The following DENND4C variants were observed in gnomAD, a reference collection of about 807,000 sequenced individuals.
DENND4C encodes the protein DENN domain containing 4C, also known as DENN domain-containing protein 4C.
DENND4C carries 108 observed loss-of-function variants against 203.0 expected under a neutral mutation model. That is an observed-to-expected ratio of 0.53 (90% CI 0.46 to 0.62). The LOEUF is 0.62. Among genes scored for constraint, DENND4C ranks in the 20% least tolerant of loss-of-function variants. The probability of loss-of-function intolerance (pLI) is 0.00; values close to 1 mark genes in which losing one functional copy is unlikely to be tolerated. For missense variants in DENND4C, 2,481 were observed against 2,301.2 expected (o/e 1.08, Z -1.60); for synonymous variants, 871 against 792.4 (o/e 1.10, Z -1.67).
At position 19,347,019 on chromosome 9, in the gene DENND4C, A is replaced by T. The variant is rs1008657064; in HGVS notation, c.4250A>T (p.Gln1417Leu). The T allele has an allele frequency of 6.2e-7, 1 of 1,614,022 alleles. No individual in the cohort carries two copies. Among genetic ancestry groups the T allele is most frequent in the African/African-American group, 1.3e-5 (1 of 74,922 alleles). ...KIDVLKSGMK[Q>L]AATVASKMWV... ...GATGTCCTGAAATCTGGTATGAAACAAGCAGCGACAGTAGCCAGTAAGATG... is the reference window on the plus strand; with the variant it reads ...GATGTCCTGAAATCTGGTATGAAACTAGCAGCGACAGTAGCCAGTAAGATG... The change falls in exon 23 of 33, where the codon CAA becomes CTA. Residue 1417 changes from glutamine to leucine, a missense_variant. This residue lies in a region of DENND4C where 2,289 missense variants were observed against 2,113.3 expected (regional missense o/e 1.08). Transcript: ENST00000434457.
intron 28 of DENND4C, 102 bp from the exon 29 acceptor site, chr9:19,360,142 A>T: frequency 8.1e-7 from 1 of 1,230,068 alleles, no homozygotes. Context: ...TCCTAAAATA[A>T]CTGATTTAAA....
In DENND4C at chr9:19,357,981, G is replaced by A. The variant is rs138927614; in HGVS notation, c.4981G>A (p.Ala1661Thr). ...AVEPSDEIKR[A>T]SGDVQTMKIS... ...ATTTTTAAGTGATGAAATAAAGAGA[G>A]CCAGTGGAGATGTCCAAACTATGAA... is the stretch of plus-strand genomic sequence containing the variant. The change falls in exon 28 of 33, where the codon GCC (alanine) becomes ACC (threonine). Residue 1661 changes from alanine (A) to threonine (T), a missense_variant. Around this residue, in one of 3 missense-constraint regions of DENND4C, gnomAD observed 2,289 missense variants for 2,113.3 expected, o/e 1.08. Transcript: ENST00000434457. 9.3e-6 allele frequency: 15 copies of A among 1,610,094 alleles called. No homozygotes were observed. The highest frequency in any genetic ancestry group is 1.3e-5 in the Non-Finnish European group (15 of 1,177,550).
At chr9:19,236,905 T>G (rs980810044) in intron 1 of DENND4C, among the ~76,000 whole-genome samples, 5 of 152,238 alleles carry the variant, frequency 3.3e-5, no homozygotes, top group Non-Finnish European at 7.3e-5. Flanking sequence ...CATTGTCTAG[T>G]TAGGGAGATG....
At chr9:19,369,247 T>C (rs985448153) in intron 30 of DENND4C, among the ~76,000 whole-genome samples, 9 of 152,206 alleles carry the variant, frequency 5.9e-5, no homozygotes, top group Non-Finnish European at 1.0e-4. Flanking sequence ...GTTCCTTCTG[T>C]TGTACCTGCT....
intron 31 of DENND4C, 102 bp downstream of exon 31, chr9:19,370,089 A>C (rs568425353): frequency 1.3e-5 from 17 of 1,342,056 alleles, no homozygotes; most frequent in Middle Eastern, 1.8e-4. Flanking sequence ...AGAAACACAT[A>C]CTCATTGCAA....
rs1323530461 is a variant in DENND4C, at chr9:19,352,122, A to C, written c.4545A>C (p.Ser1515=). The C allele has an allele frequency of 4.3e-6, 7 of 1,613,952 alleles. No homozygotes were observed. Among genetic ancestry groups the C allele is most frequent in the Non-Finnish European group, 5.9e-6 (7 of 1,179,920 alleles). The change falls in exon 25 of 33, where the codon TCA becomes TCC. Residue 1515 remains serine (S), a synonymous_variant. Transcript: ENST00000434457. The stretch of plus-strand genomic sequence containing the variant: ...TGAAAGGGCAAGACTTTGAAAAATC[A>C]GATCATGGTTCTTCTCAAAATACCA... ...RGMKGQDFEK[S]DHGSSQNTSM...
rs758884659 is a variant in DENND4C, at chr9:19,346,025, CAAA to C, written c.3258_3260del (p.Lys1087del). 11 of 1,614,070 alleles carry C rather than the reference CAAA, an allele frequency of 6.8e-6. No individual in the cohort carries two copies. In the South Asian group the frequency reaches 9.9e-5, roughly 15 times the overall value. ...GAATGGTGATAGAGGAGAAAAAAGA[CAAA>C]AGCATTTTCCTGAGAGGAGTTGTAG... On this transcript the variant is annotated inframe_deletion, in exon 23 of 33. Coordinates refer to ENST00000434457, the MANE Select transcript of DENND4C (RefSeq NM_001330640.2).
chr9:19,249,685 A>ATG (rs1426482526), intron 1 of DENND4C, among the ~76,000 whole-genome samples: 1 of 152,154 alleles, frequency 6.6e-6, no homozygotes, highest in South Asian at 2.1e-4. Flanking sequence ...AATTCATTTT[A>ATG]TGTGTGTGTG....
At position 19,316,757 on chromosome 9, in the gene DENND4C, A is replaced by T; in HGVS notation, c.1725A>T (p.Lys575Asn). The T allele has an allele frequency of 6.2e-7, 1 of 1,614,126 alleles. No homozygotes were observed. The highest frequency in any genetic ancestry group is 8.5e-7 in the Non-Finnish European group (1 of 1,180,002). The change falls in exon 12 of 33, where the codon AAA becomes AAT. Residue 575 changes from lysine (K) to asparagine (N), a missense_variant. Physicochemically the swap from Lys to Asn is moderately conservative, Grantham distance 94. Coordinates refer to ENST00000434457, the MANE Select transcript of DENND4C (RefSeq NM_001330640.2). ...AFLRFMASIL[K>N]GYRTYLRPIT... The stretch of plus-strand genomic sequence containing the variant: ...TGCGCTTTATGGCGTCTATTTTAAA[A>T]GGATATAGAACATATCTCAGACCAA...
chr9:19,347,408 G>T (rs1299501800), intron 23 of DENND4C, among the ~76,000 whole-genome samples: 1 of 152,204 alleles, frequency 6.6e-6, no homozygotes, highest in Non-Finnish European at 1.5e-5. Context: ...TGGGATTACA[G>T]GCATGAGCCA....
chr9:19,252,232 C>A (rs1474048370), intron 1 of DENND4C, among the ~76,000 whole-genome samples: 1 of 152,084 alleles, frequency 6.6e-6, no homozygotes, highest in African/African-American at 2.4e-5. Context: ...CAGGGAAACT[C>A]CCTTTTCTTT....
intron 1 of DENND4C, among the ~76,000 whole-genome samples, chr9:19,263,416 G>C (rs1829820287): frequency 6.6e-6 from 1 of 152,086 alleles, no homozygotes; most frequent in Admixed American, 6.6e-5. Flanking sequence ...GAGTGCAATG[G>C]CATGATCTCG....
chr9:19,237,220 C>G (rs1032752689), intron 1 of DENND4C, among the ~76,000 whole-genome samples: 2 of 151,634 alleles, frequency 1.3e-5, no homozygotes, highest in Non-Finnish European at 2.9e-5. Context: ...TGGGGTTTCA[C>G]CATGGCCAGG....
intron 1 of DENND4C, among the ~76,000 whole-genome samples, chr9:19,249,094 CA>C (rs983472522): frequency 3.3e-5 from 5 of 150,878 alleles, no homozygotes; most frequent in African/African-American, 1.2e-4. Context: ...CCCGGCCACA[CA>C]GCATCTATGT....
rs182309554 is a variant in DENND4C, at chr9:19,322,926, G to C, written c.1808-1436G>C. On this transcript the variant is annotated intron_variant, in intron 12 of 32. Coordinates refer to ENST00000434457, the MANE Select transcript of DENND4C (RefSeq NM_001330640.2). ...GAGATTTGAGAGGCAATGTTGTTTTGAATGCTGGCAAGGAAAGTCAAGGGA... is the reference window on the plus strand; with the variant it reads ...GAGATTTGAGAGGCAATGTTGTTTTCAATGCTGGCAAGGAAAGTCAAGGGA... Among the ~76,000 whole-genome samples, 8 of 152,214 alleles carry C rather than the reference G, an allele frequency of 5.3e-5. No homozygotes were observed. The East Asian group carries it at 1.5e-3, about 29-fold the overall frequency.
chr9:19,332,055 T>C lies in DENND4C; in HGVS notation c.2331T>C (p.His777=), dbSNP rs1290778440. ...PPQWAKCLFS[H]CYSLWFICLP... ...AGTGGGCCAAGTGTCTGTTTAGTCA[T>C]TGTTACAGTTTATGGTTTATTTGTC... Residue 777 remains histidine (H), a synonymous_variant, in exon 17 of 33, where the codon CAT becomes CAC. Transcript: ENST00000434457. The C allele has an allele frequency of 6.2e-7, 1 of 1,613,966 alleles. No individual in the cohort carries two copies. Among genetic ancestry groups the C allele is most frequent in the Admixed American group, 1.7e-5 (1 of 60,004 alleles).
At chr9:19,246,197 C>G (rs1268160886) in intron 1 of DENND4C, among the ~76,000 whole-genome samples, 2 of 150,762 alleles carry the variant, frequency 1.3e-5, no homozygotes, top group African/African-American at 2.5e-5. Context: ...TCATTGTAAT[C>G]AAGGCAAAAC....
intron 31 of DENND4C, 85 bp downstream of exon 31, chr9:19,370,072 T>C: frequency 6.6e-7 from 1 of 1,507,884 alleles, no homozygotes; most frequent in Non-Finnish European, 9.2e-7. Flanking sequence ...ATATCTCTAG[T>C]TGTCGAAGAA....
At chr9:19,319,378 A>G (rs1284800613) in intron 12 of DENND4C, among the ~76,000 whole-genome samples, 1 of 102,602 alleles carries the variant, frequency 9.7e-6, no homozygotes, top group African/African-American at 5.5e-5. Context: ...ATATATACAC[A>G]TACATATATA....
Sources: gnomAD v4.1 joint callset for allele counts (sites outside exome capture counted in the v4.1 genomes callset) on GRCh38, gnomAD v4.1.1 for gene constraint, gnomAD v4.1.1 regional missense constraint, MANE v1.5 for transcripts, NCBI Gene and HGNC (gene_info 2026-07-23, HGNC 2026-07-21) for gene names.